CD244: variants seen among roughly 807,000 people sequenced by gnomAD.
CD244 encodes the protein CD244 molecule.
Under a neutral mutation model 45.5 loss-of-function variants are expected in CD244, and 20 were observed. The ratio of observed to expected loss-of-function variants is 0.44; its 90% CI spans 0.31 to 0.64. The LOEUF (loss-of-function observed/expected upper bound fraction) is 0.64, where lower values mean the gene tolerates loss of function less well. Among genes scored for constraint, CD244 ranks in the 30% least tolerant of loss-of-function variants. The pLI, the probability that CD244 is intolerant of heterozygous loss-of-function variation, is 0.08. For missense variants in CD244, 407 were observed against 426.9 expected (o/e 0.95, Z 0.41); for synonymous variants, 185 against 160.5 (o/e 1.15, Z -1.15).
At chr1:160,833,985 G>T in intron 7 of CD244, 66 bp downstream of exon 7, 3 of 1,178,950 alleles carry the variant, frequency 2.5e-6, no homozygotes, top group African/African-American at 1.5e-5. Context: ...CACTCTCACT[G>T]CAAACACATG....
At chr1:160,852,181 T>C (rs1264848355) in intron 1 of CD244, among the ~76,000 whole-genome samples, 1 of 152,204 alleles carries the variant, frequency 6.6e-6, no homozygotes, top group Non-Finnish European at 1.5e-5. Context: ...CCAATAGGCA[T>C]GCATAAGGGT....
At chr1:160,832,667 C>A (rs1262001424) in intron 7 of CD244, 92 bp from the exon 8 acceptor site, 1 of 1,578,994 alleles carries the variant, frequency 6.3e-7, no homozygotes, top group Non-Finnish European at 8.6e-7. Flanking sequence ...AGACTCAGGG[C>A]CCAGAAAAAT....
At chr1:160,860,879 AGGAT>A (rs888426785) in intron 1 of CD244, among the ~76,000 whole-genome samples, 1 of 152,224 alleles carries the variant, frequency 6.6e-6, no homozygotes, top group Non-Finnish European at 1.5e-5. Context: ...CTATAGACAC[AGGAT>A]GGAGGAGGAA....
At chr1:160,842,756 A>C (rs895488907) in intron 1 of CD244, among the ~76,000 whole-genome samples, 1 of 152,178 alleles carries the variant, frequency 6.6e-6, no homozygotes, top group African/African-American at 2.4e-5. Context: ...TAAAAATAAA[A>C]CTACACTTCC....
At chr1:160,852,189 G>T (rs1486417582) in intron 1 of CD244, among the ~76,000 whole-genome samples, 2 of 152,132 alleles carry the variant, frequency 1.3e-5, no homozygotes, top group Non-Finnish European at 2.9e-5. Context: ...CATGCATAAG[G>T]GTGCCCAACA....
chr1:160,846,914 T>C (rs78002225), intron 1 of CD244, among the ~76,000 whole-genome samples: 1 of 152,102 alleles, frequency 6.6e-6, no homozygotes, highest in South Asian at 2.1e-4. Context: ...TGAATTGGCA[T>C]CAATTCAAAC....
At chr1:160,836,796 C>T (rs918301662) in intron 5 of CD244, among the ~76,000 whole-genome samples, 1 of 152,024 alleles carries the variant, frequency 6.6e-6, no homozygotes, top group Non-Finnish European at 1.5e-5. Flanking sequence ...CTTAGGAAAT[C>T]GGTGGTGGAG....
At chr1:160,852,744 C>G (rs1323656250) in intron 1 of CD244, among the ~76,000 whole-genome samples, 1 of 151,044 alleles carries the variant, frequency 6.6e-6, no homozygotes, top group African/African-American at 2.4e-5. Flanking sequence ...AAATCTGGGC[C>G]AGGCATGGTG....
chr1:160,846,897 T>C (rs994633263), intron 1 of CD244, among the ~76,000 whole-genome samples: 8 of 152,250 alleles, frequency 5.3e-5, no homozygotes, highest in Middle Eastern at 6.8e-3. Context: ...TTCTATAGTA[T>C]TGAGGCTGAA....
At chr1:160,834,008 CT>C (rs1189028985) in intron 7 of CD244, 42 bp downstream of exon 7, 1 of 1,400,544 alleles carries the variant, frequency 7.1e-7, no homozygotes, top group Non-Finnish European at 1.0e-6. Flanking sequence ...AAATACACAT[CT>C]ACATCAACAA....
chr1:160,848,784 G>A (rs932276950), intron 1 of CD244, among the ~76,000 whole-genome samples: 1 of 152,226 alleles, frequency 6.6e-6, no homozygotes, highest in African/African-American at 2.4e-5. Flanking sequence ...TGTGCCCAGG[G>A]AAGGCATGGA....
At chr1:160,840,663 T>C (rs1669508433) in intron 3 of CD244, among the ~76,000 whole-genome samples, 3 of 152,300 alleles carry the variant, frequency 2.0e-5, no homozygotes, top group Admixed American at 2.0e-4. Flanking sequence ...TTTCCTATAA[T>C]GCCCATGCTG....
chr1:160,832,048 T>C (rs1442474079), intron 8 of CD244, among the ~76,000 whole-genome samples: 1 of 152,160 alleles, frequency 6.6e-6, no homozygotes. Flanking sequence ...CTGATGGGAA[T>C]CAATTCAACC....
At chr1:160,832,241 AC>A (rs1669151329) in intron 8 of CD244, among the ~76,000 whole-genome samples, 1 of 152,168 alleles carries the variant, frequency 6.6e-6, no homozygotes, top group African/African-American at 2.4e-5. Flanking sequence ...TTTGTGGCCC[AC>A]AGCCTGGGAA....
chr1:160,834,464 T>C (rs569752204), intron 6 of CD244, among the ~76,000 whole-genome samples: 1 of 152,330 alleles, frequency 6.6e-6, no homozygotes, highest in African/African-American at 2.4e-5. Flanking sequence ...CAGGCAATTC[T>C]CCTGCCCCAG....
At chr1:160,837,329 C>T (rs538251302) in intron 5 of CD244, among the ~76,000 whole-genome samples, 114 of 152,240 alleles carry the variant, frequency 7.5e-4, no homozygotes, top group African/African-American at 2.6e-3. Context: ...AGCAAGCACC[C>T]GGGCATCACT....
chr1:160,833,049 A>G (rs991958395), intron 7 of CD244, among the ~76,000 whole-genome samples: 1 of 152,028 alleles, frequency 6.6e-6, no homozygotes, highest in Non-Finnish European at 1.5e-5. Flanking sequence ...CAACGCATGC[A>G]TACACACACC....
rs371493307 is a variant in CD244 at position 160,838,971 on chromosome 1, A to G, written c.734T>C (p.Val245Ala). Residue 245 changes from valine to alanine, a missense_variant, in exon 4 of 9, where the codon GTG becomes GCG. Coordinates refer to ENST00000368034, the MANE Select transcript of CD244 (RefSeq NM_016382.4). ...CTTCTCCTTCCTCTTTCTCCTCCACACACAGAAGCAGGCAAGGGTGCCAAG... is the reference window on the plus strand; with the variant it reads ...CTTCTCCTTCCTCTTTCTCCTCCACGCACAGAAGCAGGCAAGGGTGCCAAG... ...LFLGTLACFC[V>A]WRRKRKEKQS... 1 of 1,614,038 alleles carries G rather than the reference A, an allele frequency of 6.2e-7. No individual in the cohort carries two copies. The highest frequency in any genetic ancestry group is 8.5e-7 in the Non-Finnish European group (1 of 1,179,952).
chr1:160,848,177 A>G (rs755593241), intron 1 of CD244: 14 of 511,438 alleles, frequency 2.7e-5, no homozygotes, highest in Non-Finnish European at 5.0e-5. Context: ...TCACAGGATT[A>G]TTGCAGAATT....
Sources: gnomAD v4.1 joint callset for allele counts (sites outside exome capture counted in the v4.1 genomes callset) on GRCh38, gnomAD v4.1.1 for gene constraint, MANE v1.5 for transcripts, NCBI Gene and HGNC (gene_info 2026-07-23, HGNC 2026-07-21) for gene names.